The following FNDC3A variants were observed in gnomAD, a reference collection of about 807,000 sequenced individuals.
FNDC3A encodes fibronectin type III domain containing 3A, also known as fibronectin type-III domain-containing protein 3A.
A neutral mutation model predicts 148.9 loss-of-function variants in FNDC3A; 32 were observed. The observed-to-expected ratio is 0.21, with a 90% CI of 0.16 to 0.29. FNDC3A has a LOEUF of 0.29. Among genes scored for constraint, FNDC3A ranks in the 10% least tolerant of loss-of-function variants. The probability of loss-of-function intolerance (pLI) is 1.00; values close to 1 mark genes in which losing one functional copy is unlikely to be tolerated. For missense variants in FNDC3A, 1,191 were observed against 1,452.8 expected, an observed-to-expected ratio of 0.82 and a Z score of 2.93; for synonymous variants, 472 against 473.6, an observed-to-expected ratio of 1.00 and a Z score of 0.04.
At chr13:49,069,249 C>T (rs905874814) in intron 2 of FNDC3A, among the ~76,000 whole-genome samples, 1 of 152,072 alleles carries the variant, frequency 6.6e-6, no homozygotes, top group South Asian at 2.1e-4. Flanking sequence ...AAATTAATAC[C>T]TTTAAAGAAA....
chr13:49,158,398 T>C (rs975408976), intron 8 of FNDC3A, among the ~76,000 whole-genome samples: 22 of 152,194 alleles, frequency 1.4e-4, no homozygotes, highest in Non-Finnish European at 2.8e-4. Flanking sequence ...GTACGCGCGC[T>C]CACTGACCTG....
chr13:49,045,582 C>T (rs1469713896), intron 2 of FNDC3A: 1 of 421,476 alleles, frequency 2.4e-6, no homozygotes, highest in Non-Finnish European at 4.4e-6. Flanking sequence ...TATCCCATAC[C>T]ATACTCTCTT....
At chr13:49,047,551 T>C (rs1593515703) in intron 2 of FNDC3A, among the ~76,000 whole-genome samples, 1 of 152,234 alleles carries the variant, frequency 6.6e-6, no homozygotes. Flanking sequence ...TCATTAGTGA[T>C]GTTGAGCATT....
chr13:49,042,207 T>A (rs999379407), intron 2 of FNDC3A, among the ~76,000 whole-genome samples: 1 of 152,138 alleles, frequency 6.6e-6, no homozygotes, highest in Admixed American at 6.5e-5. Flanking sequence ...TGTAAAGCCA[T>A]CTACTTGCAT....
At chr13:49,197,927 A>C in intron 21 of FNDC3A, 53 bp downstream of exon 21, 1 of 1,588,930 alleles carries the variant, frequency 6.3e-7, no homozygotes, top group Non-Finnish European at 8.5e-7. Context: ...TTTATATTTC[A>C]TTGGCATTTT....
intron 2 of FNDC3A, among the ~76,000 whole-genome samples, chr13:49,025,228 C>T (rs1357720783): frequency 2.0e-5 from 3 of 151,916 alleles, no homozygotes; most frequent in African/African-American, 7.2e-5. Flanking sequence ...TGTGCCTGTG[C>T]ACACTGGTTT....
At chr13:49,152,652 A>G (rs1214114330) in intron 8 of FNDC3A, among the ~76,000 whole-genome samples, 2 of 151,482 alleles carry the variant, frequency 1.3e-5, no homozygotes, top group East Asian at 1.9e-4. Context: ...ATATCTCCCA[A>G]TGCTACCCCT....
At chr13:49,096,154 T>C (rs979264942) in intron 3 of FNDC3A, among the ~76,000 whole-genome samples, 3 of 152,126 alleles carry the variant, frequency 2.0e-5, no homozygotes, top group African/African-American at 7.2e-5. Context: ...GTTATGGTCT[T>C]TGATTAAAGT....
chr13:49,175,307 CT>C (rs1884972402), intron 12 of FNDC3A, 59 bp from the exon 13 acceptor site: 1 of 1,235,330 alleles, frequency 8.1e-7, no homozygotes, highest in East Asian at 2.6e-5. Context: ...CTGTCACAAA[CT>C]TGTTCTTTCA....
intron 8 of FNDC3A, among the ~76,000 whole-genome samples, chr13:49,164,157 G>T (rs1434831370): frequency 6.6e-6 from 1 of 151,910 alleles, no homozygotes; most frequent in African/African-American, 2.4e-5. Context: ...AACTTTGTTG[G>T]GTATAATATC....
chr13:49,175,681 T>A, intron 13 of FNDC3A, 140 bp downstream of exon 13: 1 of 576,138 alleles, frequency 1.7e-6, no homozygotes, highest in Non-Finnish European at 3.0e-6. Context: ...TCTCTTCCTA[T>A]TTGAATACGC....
chr13:49,153,545 G>A (rs1453398959), intron 8 of FNDC3A, among the ~76,000 whole-genome samples: 1 of 152,212 alleles, frequency 6.6e-6, no homozygotes, highest in African/African-American at 2.4e-5. Context: ...TGTCTATTTT[G>A]TCTTTTGTTT....
intron 2 of FNDC3A, among the ~76,000 whole-genome samples, chr13:49,013,646 G>GTGTATACATGTATACATGTACATA (rs1952419781): frequency 1.3e-5 from 2 of 150,596 alleles, no homozygotes; most frequent in East Asian, 4.0e-4. Context: ...ACATGTACAT[G>GTGTATACATGTATACATGTACATA]TGTATACATG....
chr13:49,045,052 C>T (rs868844148), intron 2 of FNDC3A: 2 of 50,960 alleles, frequency 3.9e-5, no homozygotes, highest in African/African-American at 1.2e-4. Context: ...CTTTTCCTTT[C>T]CCTTTCCCTT....
At chr13:49,117,666 A>G (rs1254629107) in intron 4 of FNDC3A, among the ~76,000 whole-genome samples, 1 of 152,218 alleles carries the variant, frequency 6.6e-6, no homozygotes, top group East Asian at 1.9e-4. Context: ...TCTTAATACA[A>G]TATAACTATT....
At position 49,108,440 on chromosome 13, in the gene FNDC3A, G is replaced by A. The variant is rs569529938; in HGVS notation, c.176-6215G>A. Among the ~76,000 whole-genome samples the A allele has an allele frequency of 1.7e-3, 260 of 152,202 alleles. 1 individual carries two copies. The highest frequency in any genetic ancestry group is 6.1e-3 in the African/African-American group (254 of 41,524). On this transcript the variant is annotated intron_variant, in intron 3 of 25. Coordinates refer to ENST00000492622, the MANE Select transcript of FNDC3A (RefSeq NM_001079673.2). ...AGACTACCAACACTGCTTCAGGAGA[G>A]GATAGGAAGTCTCTGCTCCTGGGGC... is the stretch of plus-strand genomic sequence containing the variant.
At chr13:49,186,376 A>G (rs1407347116) in intron 15 of FNDC3A, among the ~76,000 whole-genome samples, 1 of 152,238 alleles carries the variant, frequency 6.6e-6, no homozygotes, top group Non-Finnish European at 1.5e-5. Context: ...ACTTGCAGCT[A>G]AAGTCACCTG....
intron 4 of FNDC3A, among the ~76,000 whole-genome samples, chr13:49,116,899 G>A (rs1180342386): frequency 6.6e-6 from 1 of 152,152 alleles, no homozygotes; most frequent in Admixed American, 6.5e-5. Context: ...GGACAGGTGG[G>A]GGTTAGCTAT....
intron 2 of FNDC3A, among the ~76,000 whole-genome samples, chr13:49,074,260 G>A (rs369045440): frequency 6.6e-6 from 1 of 151,956 alleles, no homozygotes. Context: ...CCCGCATCCC[G>A]AAAGTTGATT....
Sources: allele counts gnomAD v4.1 joint callset (sites outside exome capture counted in the v4.1 genomes callset), GRCh38; gene constraint gnomAD v4.1.1; transcripts MANE v1.5; gene names NCBI Gene and HGNC (gene_info 2026-07-23, HGNC 2026-07-21).